NEBL: variants seen among roughly 807,000 people sequenced by gnomAD.
NEBL encodes LIM and SH3 protein 2.
Under a neutral mutation model 140.2 loss-of-function variants are expected in NEBL, and 122 were observed. The ratio of observed to expected loss-of-function variants is 0.87; its 90% CI spans 0.75 to 1.01. The LOEUF (loss-of-function observed/expected upper bound fraction) is 1.01. Ranked by LOEUF, NEBL falls within the 50% of genes least tolerant of loss-of-function variation. NEBL has a pLI of 0.00. For synonymous variants in NEBL, 436 were observed against 398.9 expected (o/e 1.09, Z -1.11); for missense variants, 1,365 against 1,231.3 (o/e 1.11, Z -1.62).
intron 3 of NEBL, among the ~76,000 whole-genome samples, chr10:21,238,716 TAAAAAAAAA>T (rs35732687): frequency 1.1e-5 from 1 of 94,486 alleles, no homozygotes; most frequent in South Asian, 4.0e-4. Context: ...TCAAAAAAAT[TAAAAAAAAA>T]AAAAAAAAAA....
intron 2 of NEBL, among the ~76,000 whole-genome samples, chr10:21,034,273 CA>C (rs1483074594): frequency 2.3e-4 from 35 of 151,126 alleles, no homozygotes; most frequent in African/African-American, 8.5e-4. Flanking sequence ...ATGTATGGCC[CA>C]AAATAATAAA....
rs139156783 is a variant in NEBL, at chr10:20,785,813, G to A, written c.2979C>T (p.Tyr993=). Residue 993 remains tyrosine, a synonymous_variant, in exon 28 of 28, where the codon TAC becomes TAT. Coordinates refer to ENST00000377122, the MANE Select transcript of NEBL (RefSeq NM_006393.3). ...NVQPIDDGWM[Y]GTVQRTGRTG... is the part of the protein sequence containing the mutation. ...TTCTCCCTGTTCTCTGCACTGTGCC[G>A]TACATCCAGCCATCGTCAATAGGCT... The A allele has an allele frequency of 1.2e-5, 19 of 1,614,002 alleles. No individual in the cohort carries two copies. The highest frequency in any genetic ancestry group is 3.3e-4 in the Middle Eastern group (2 of 6,058).
intron 14 of NEBL, among the ~76,000 whole-genome samples, chr10:20,834,127 A>C (rs1840670366): frequency 6.6e-6 from 1 of 152,220 alleles, no homozygotes; most frequent in Non-Finnish European, 1.5e-5. Flanking sequence ...TTTCTATAAG[A>C]ATGAGGTAGA....
rs562390127 is a variant in NEBL at position 21,269,847 on chromosome 10, C to T, written n.183-18019G>A. ...GGTCTCCAGGCACAGCTCTCTGCCA[C>T]CTTCTATTAATCTCATTGTCACTTG... On this transcript the variant is annotated intron_variant and non_coding_transcript_variant, in intron 1 of 8. Transcript: ENST00000675702. Among the ~76,000 whole-genome samples the T allele has an allele frequency of 1.8e-4, 27 of 152,312 alleles. No homozygotes were observed. In the South Asian group the frequency reaches 5.2e-3, roughly 29 times the overall value.
chr10:21,094,254 G>A (rs1026387908), intron 2 of NEBL, among the ~76,000 whole-genome samples: 14 of 152,116 alleles, frequency 9.2e-5, no homozygotes, highest in Admixed American at 4.6e-4. Context: ...TGTAATCCCA[G>A]CACTTTGGGA....
chr10:21,096,152 G>C (rs1837175349), intron 2 of NEBL, among the ~76,000 whole-genome samples: 1 of 152,096 alleles, frequency 6.6e-6, no homozygotes, highest in African/African-American at 2.4e-5. Flanking sequence ...ATTGTGACTT[G>C]GAGTGGAAAA....
intron 3 of NEBL, among the ~76,000 whole-genome samples, chr10:21,004,752 T>C (rs563061407): frequency 3.3e-5 from 5 of 151,746 alleles, no homozygotes; most frequent in African/African-American, 9.7e-5. Context: ...GAATTAACAA[T>C]GCAGATTTCT....
chr10:20,901,771 C>T (rs189169316), upstream of NEBL, among the ~76,000 whole-genome samples: 272 of 152,210 alleles, frequency 1.8e-3, 2 homozygotes, highest in African/African-American at 6.2e-3. Flanking sequence ...GACCGTCTTC[C>T]GGAAGGTTCC....
At chr10:21,290,610 G>A (rs998315725) in intron 1 of NEBL, among the ~76,000 whole-genome samples, 1 of 152,144 alleles carries the variant, frequency 6.6e-6, no homozygotes, top group Admixed American at 6.6e-5. Flanking sequence ...CTGTTCTTTT[G>A]AGGGTAACTC....
At chr10:20,793,800 TC>T (rs1218594309) in intron 26 of NEBL, among the ~76,000 whole-genome samples, 1 of 152,150 alleles carries the variant, frequency 6.6e-6, no homozygotes, top group East Asian at 1.9e-4. Flanking sequence ...AAGCCATCCA[TC>T]CACCTTGGCC....
chr10:20,832,036 A>T (rs1484833224), intron 14 of NEBL, among the ~76,000 whole-genome samples: 2 of 151,698 alleles, frequency 1.3e-5, no homozygotes, highest in African/African-American at 4.8e-5. Flanking sequence ...CAATGTTCCC[A>T]CTCCTAAACC....
intron 2 of NEBL, chr10:21,029,235 T>C: frequency 1.3e-6 from 2 of 1,513,106 alleles, no homozygotes; most frequent in East Asian, 4.5e-5. Flanking sequence ...CTCCACCGGC[T>C]GCTCGGGAAC....
At chr10:20,973,984 T>G (rs970692597) in intron 3 of NEBL, among the ~76,000 whole-genome samples, 9 of 152,210 alleles carry the variant, frequency 5.9e-5, no homozygotes, top group African/African-American at 2.2e-4. Flanking sequence ...TATACCCCAG[T>G]ATCCTCAAAA....
intron 4 of NEBL, among the ~76,000 whole-genome samples, chr10:20,949,914 A>T (rs1835377509): frequency 6.6e-6 from 1 of 152,370 alleles, no homozygotes; most frequent in East Asian, 1.9e-4. Context: ...TATAGCCTCT[A>T]TTATTAAACA....
At chr10:20,882,609 T>A (rs1235518520) in intron 4 of NEBL, among the ~76,000 whole-genome samples, 2 of 152,182 alleles carry the variant, frequency 1.3e-5, no homozygotes, top group East Asian at 1.9e-4. Flanking sequence ...AACATTCTTG[T>A]GAGCTTAAAC....
At chr10:21,076,509 G>A (rs1836095328) in intron 2 of NEBL, among the ~76,000 whole-genome samples, 3 of 148,544 alleles carry the variant, frequency 2.0e-5, no homozygotes, top group South Asian at 2.1e-4. Context: ...CTACTTGTGG[G>A]CATATAACCA....
intron 5 of NEBL, among the ~76,000 whole-genome samples, chr10:20,878,412 G>C (rs540664828): frequency 6.6e-6 from 1 of 152,302 alleles, no homozygotes; most frequent in South Asian, 2.1e-4. Context: ...CAAAGTGACA[G>C]TCTGCATTAT....
intron 2 of NEBL, among the ~76,000 whole-genome samples, chr10:21,087,610 T>G (rs1015029075): frequency 6.6e-6 from 1 of 152,244 alleles, no homozygotes; most frequent in African/African-American, 2.4e-5. Flanking sequence ...ATTAAACTCA[T>G]GTGACTAAAA....
intron 2 of NEBL, among the ~76,000 whole-genome samples, chr10:21,068,079 T>C (rs1482410603): frequency 6.6e-6 from 1 of 152,176 alleles, no homozygotes; most frequent in Non-Finnish European, 1.5e-5. Context: ...AACACTGAAA[T>C]TGTGAATTTC....
Sources: gnomAD v4.1 joint callset for allele counts (sites outside exome capture counted in the v4.1 genomes callset) on GRCh38, gnomAD v4.1.1 for gene constraint, MANE v1.5 for transcripts, NCBI Gene and HGNC (gene_info 2026-07-23, HGNC 2026-07-21) for gene names.